ENAH: variants seen among roughly 807,000 people sequenced by gnomAD.
The protein encoded by ENAH is ENAH actin regulator.
A neutral mutation model predicts 78.7 loss-of-function variants in ENAH; 23 were observed. The observed-to-expected ratio is 0.29, with a 90% confidence interval of 0.21 to 0.41. The LOEUF (loss-of-function observed/expected upper bound fraction) is 0.41. Ranked by LOEUF, ENAH falls within the 10% of genes least tolerant of loss-of-function variation. The pLI is 1.00. For missense variants in ENAH, 544 were observed against 691.0 expected (o/e 0.79, Z 2.39); for synonymous variants, 226 against 241.0 (o/e 0.94, Z 0.58).
intron 2 of ENAH, among the ~76,000 whole-genome samples, chr1:225,563,721 T>C (rs2096720330): frequency 6.6e-6 from 1 of 152,240 alleles, no homozygotes; most frequent in Non-Finnish European, 1.5e-5. Flanking sequence ...TATATATTCA[T>C]AACTGAAGAC....
At chr1:225,571,614 T>A (rs764809812) in intron 1 of ENAH, among the ~76,000 whole-genome samples, 4 of 152,146 alleles carry the variant, frequency 2.6e-5, no homozygotes, top group Non-Finnish European at 5.9e-5. Flanking sequence ...GGAAATATCA[T>A]GGCATGACTG....
At chr1:225,538,530 A>G (rs2096573282) in intron 3 of ENAH, among the ~76,000 whole-genome samples, 1 of 152,048 alleles carries the variant, frequency 6.6e-6, no homozygotes, top group African/African-American at 2.4e-5. Flanking sequence ...CTACACATGA[A>G]AATGTACCAT....
intron 3 of ENAH, among the ~76,000 whole-genome samples, chr1:225,539,592 G>A (rs923422704): frequency 1.3e-5 from 2 of 152,008 alleles, no homozygotes; most frequent in African/African-American, 2.4e-5. Context: ...CCAAATCATC[G>A]CTCTTAGTAA....
intron 1 of ENAH, among the ~76,000 whole-genome samples, chr1:225,608,219 A>AG (rs1281612300): frequency 2.0e-4 from 22 of 112,438 alleles, no homozygotes; most frequent in African/African-American, 5.3e-4. Context: ...TATAAAAAAC[A>AG]GAAAAAAAAA....
intron 2 of ENAH, among the ~76,000 whole-genome samples, chr1:225,556,371 C>T (rs2096666742): frequency 1.3e-5 from 2 of 152,196 alleles, no homozygotes; most frequent in African/African-American, 4.8e-5. Flanking sequence ...TGCAACATTA[C>T]AACTGGTACT....
intron 3 of ENAH, among the ~76,000 whole-genome samples, chr1:225,548,906 G>A (rs899614116): frequency 2.0e-5 from 3 of 148,692 alleles, no homozygotes; most frequent in Non-Finnish European, 4.4e-5. Flanking sequence ...CTGGAGTGCA[G>A]TGGCACGATC....
chr1:225,590,663 G>A (rs1487654889), intron 1 of ENAH, among the ~76,000 whole-genome samples: 1 of 152,100 alleles, frequency 6.6e-6, no homozygotes, highest in East Asian at 1.9e-4. Context: ...AAACTGGAGT[G>A]CCCTAGATGA....
chr1:225,502,870 A>C (rs1403452500), intron 11 of ENAH, among the ~76,000 whole-genome samples: 1 of 152,214 alleles, frequency 6.6e-6, no homozygotes, highest in Non-Finnish European at 1.5e-5. Context: ...CTAGAATTAA[A>C]CTATAATTCA....
chr1:225,649,915 G>C (rs1478480345), intron 1 of ENAH, among the ~76,000 whole-genome samples: 1 of 152,098 alleles, frequency 6.6e-6, no homozygotes, highest in Non-Finnish European at 1.5e-5. Flanking sequence ...TCCTATTTCT[G>C]GATGGCCTTT....
At chr1:225,503,747 G>A (rs2096303247) in intron 11 of ENAH, among the ~76,000 whole-genome samples, 1 of 146,258 alleles carries the variant, frequency 6.8e-6, no homozygotes, top group Non-Finnish European at 1.5e-5. Context: ...AAATTAACTT[G>A]TCAAGTATTT....
intron 1 of ENAH, among the ~76,000 whole-genome samples, chr1:225,650,754 G>A (rs1662810119): frequency 6.7e-6 from 1 of 149,434 alleles, no homozygotes. Context: ...GGAGGCTGAG[G>A]CAGGAGAATC....
intron 4 of ENAH, 61 bp from the exon 5 acceptor site, chr1:225,519,626 A>T: frequency 6.4e-7 from 1 of 1,551,166 alleles, no homozygotes; most frequent in Non-Finnish European, 8.6e-7. Context: ...TGAAAAAGCG[A>T]TTCTTTTCAC....
chr1:225,581,486 G>T (rs965774487), intron 1 of ENAH, among the ~76,000 whole-genome samples: 7 of 152,018 alleles, frequency 4.6e-5, no homozygotes, highest in African/African-American at 1.7e-4. Flanking sequence ...TTTTTATTTT[G>T]CAAGGTTATT....
intron 11 of ENAH, among the ~76,000 whole-genome samples, chr1:225,503,199 C>T (rs1444823657): frequency 6.6e-6 from 1 of 152,078 alleles, no homozygotes; most frequent in East Asian, 1.9e-4. Context: ...CACTTTTTTT[C>T]TTAACTTTTA....
rs572289160 is a variant in ENAH, at chr1:225,567,830, C to T, written c.6-416G>A. Among the ~76,000 whole-genome samples, 14 of 152,214 alleles carry T rather than the reference C, an allele frequency of 9.2e-5. No homozygotes were observed. The South Asian group carries it at 2.5e-3, about 27-fold the overall frequency. ...ACAAGTGTAAATTAATCATTATTTGCTTAATTGCATACATGTTTAGTATAC... is the reference window on the plus strand; with the variant it reads ...ACAAGTGTAAATTAATCATTATTTGTTTAATTGCATACATGTTTAGTATAC... On this transcript the variant is annotated intron_variant, in intron 1 of 13. Transcript: ENST00000366843.
chr1:225,653,059 C>A lies in ENAH; in HGVS notation c.-369G>T, dbSNP rs532788718. 705 of 161,756 alleles carry A rather than the reference C, an allele frequency of 4.4e-3. 6 individuals are homozygous for A. Among genetic ancestry groups the A allele is most frequent in the Non-Finnish European group, 4.4e-3 (328 of 74,450 alleles). The allele number at this position is 161,756 out of a possible 1,614,324, so 10.0% of individuals were successfully genotyped here. On this transcript the variant is annotated 5_prime_UTR_variant, in exon 1 of 14. Transcript: ENST00000366843. This position sits in a 1 kb window ranked among gnomAD's most constrained non-coding sequence, Gnocchi z 4.3. Reference sequence around the variant, plus strand: ...GCCCGGCCGCCGCTCCACAGGCCCGCGCTCGCCGCGCCGCCGCCGAGGCCG... The same window carrying A: ...GCCCGGCCGCCGCTCCACAGGCCCGAGCTCGCCGCGCCGCCGCCGAGGCCG...
intron 12 of ENAH, among the ~76,000 whole-genome samples, chr1:225,499,615 C>T (rs1325861503): frequency 1.3e-5 from 2 of 151,744 alleles, no homozygotes; most frequent in African/African-American, 2.4e-5. Flanking sequence ...GAGGCTGCAG[C>T]GACCTGAGAT....
At chr1:225,517,919 G>T in intron 5 of ENAH, 1 of 1,550,808 alleles carries the variant, frequency 6.4e-7, no homozygotes, top group South Asian at 1.2e-5. Context: ...GATGGAGGAG[G>T]TGCTGAAGGA....
chr1:225,515,733 G>A (rs948807326), intron 6 of ENAH, among the ~76,000 whole-genome samples: 3 of 152,158 alleles, frequency 2.0e-5, no homozygotes, highest in Non-Finnish European at 4.4e-5. Flanking sequence ...CACACTGGGT[G>A]GTAATTGCTA....
Sources: gnomAD v4.1 joint callset for allele counts (sites outside exome capture counted in the v4.1 genomes callset) on GRCh38, gnomAD v4.1.1 for gene constraint, Gnocchi (gnomAD v3.1) non-coding constraint, MANE v1.5 for transcripts, NCBI Gene and HGNC (gene_info 2026-07-23, HGNC 2026-07-21) for gene names.